Variants in FOCAD observed in about 807,000 individuals in gnomAD.
FOCAD encodes focadhesin, also known as KIAA1797.
In FOCAD, 198 loss-of-function variants were observed where a neutral mutation model predicts 225.6. The observed-to-expected ratio is 0.88, with a 90% confidence interval of 0.78 to 0.99. The LOEUF is 0.99. Among genes scored for constraint, FOCAD ranks in the 50% least tolerant of loss-of-function variants. FOCAD has a pLI of 0.00. For synonymous variants in FOCAD, 897 were observed against 755.0 expected, an observed-to-expected ratio of 1.19 and a Z score of -3.08; for missense variants, 2,713 against 2,123.6, an observed-to-expected ratio of 1.28 and a Z score of -5.46.
At chr9:20,772,129 G>C (rs150230844) in intron 8 of FOCAD, among the ~76,000 whole-genome samples, 3 of 152,286 alleles carry the variant, frequency 2.0e-5, no homozygotes, top group Non-Finnish European at 4.4e-5. Context: ...CTTTATGATT[G>C]ATTAGATGGT....
chr9:20,880,806 C>T lies in FOCAD; in HGVS notation c.2318-1065C>T, dbSNP rs150922719. 6.7e-3 allele frequency among the ~76,000 whole-genome samples: 1,017 copies of T among 152,236 alleles called. 15 individuals carry two copies. Among genetic ancestry groups the T allele is most frequent in the African/African-American group, 0.023 (969 of 41,530 alleles). ...CCCTTGCTTTTTGTTTCTGTAAGAG[C>T]CACATGCAGTGGTTTTCTTTTTTCA... On this transcript the variant is annotated intron_variant, in intron 19 of 43. Transcript: ENST00000338382.
At chr9:20,759,433 A>G (rs578153646) in intron 6 of FOCAD, among the ~76,000 whole-genome samples, 12 of 152,266 alleles carry the variant, frequency 7.9e-5, no homozygotes, top group African/African-American at 1.4e-4. Context: ...CTGATCTTTG[A>G]CAAACCTGAG....
upstream of FOCAD, among the ~76,000 whole-genome samples, chr9:20,657,565 G>C (rs368569443): frequency 1.7e-5 from 1 of 57,208 alleles, no homozygotes; most frequent in Non-Finnish European, 3.3e-5. Flanking sequence ...TCCAGTTGAT[G>C]GCATCGGCTC....
At chr9:20,682,466 A>T (rs1467098258), upstream of FOCAD, among the ~76,000 whole-genome samples, 1 of 152,190 alleles carries the variant, frequency 6.6e-6, no homozygotes, top group Non-Finnish European at 1.5e-5. Context: ...CAGGTTCCTT[A>T]TTTATAAAAT....
At chr9:20,800,659 A>T (rs1197786728) in intron 11 of FOCAD, among the ~76,000 whole-genome samples, 1 of 152,060 alleles carries the variant, frequency 6.6e-6, no homozygotes, top group Non-Finnish European at 1.5e-5. Context: ...AGGCTTGTGC[A>T]TTCGTCAAAT....
At chr9:20,730,513 C>T (rs1423198512) in intron 4 of FOCAD, among the ~76,000 whole-genome samples, 2 of 152,052 alleles carry the variant, frequency 1.3e-5, no homozygotes, top group South Asian at 2.1e-4. Flanking sequence ...GTATTTCAGT[C>T]CTCTTCTCCT....
intron 17 of FOCAD, 114 bp downstream of exon 17, chr9:20,866,090 C>A: frequency 2.3e-6 from 2 of 857,154 alleles, no homozygotes; most frequent in African/African-American, 1.8e-5. Flanking sequence ...TAATGGGTTC[C>A]CAATTTTTAA....
intron 2 of FOCAD, among the ~76,000 whole-genome samples, chr9:20,659,446 G>A (rs1397760400): frequency 6.8e-6 from 1 of 148,106 alleles, no homozygotes; most frequent in Non-Finnish European, 1.5e-5. Context: ...AAGAAAGACA[G>A]ACAGACAGAA....
chr9:20,866,683 T>C (rs957394928), intron 17 of FOCAD, among the ~76,000 whole-genome samples: 8 of 151,460 alleles, frequency 5.3e-5, no homozygotes, highest in African/African-American at 1.9e-4. Flanking sequence ...ACCCTTTCAC[T>C]TTTTTTTGCA....
chr9:20,942,616 C>G (rs1836782486), intron 28 of FOCAD, among the ~76,000 whole-genome samples: 1 of 152,166 alleles, frequency 6.6e-6, no homozygotes, highest in South Asian at 2.1e-4. Context: ...TAGATCTTCT[C>G]TCTACTCTAG....
At chr9:20,862,432 G>T (rs1399866891) in intron 15 of FOCAD, 146 bp from the exon 16 acceptor site, 4 of 763,172 alleles carry the variant, frequency 5.2e-6, no homozygotes, top group Non-Finnish European at 7.8e-6. Context: ...TTCATTTGAG[G>T]GGTGGTACCT....
chr9:20,863,352 C>T (rs1828948901), intron 16 of FOCAD: 1 of 151,584 alleles, frequency 6.6e-6, no homozygotes, highest in Non-Finnish European at 1.5e-5. Context: ...TTGATTTAGT[C>T]CTTCACAGAC....
At chr9:20,934,193 T>C (rs1177690221) in intron 28 of FOCAD, among the ~76,000 whole-genome samples, 1 of 152,206 alleles carries the variant, frequency 6.6e-6, no homozygotes, top group East Asian at 1.9e-4. Context: ...GCTTTTGCCA[T>C]GCAAAAGCTC....
intron 11 of FOCAD, among the ~76,000 whole-genome samples, chr9:20,819,137 A>G (rs778229785): frequency 9.9e-5 from 15 of 152,126 alleles, no homozygotes; most frequent in Non-Finnish European, 1.6e-4. Flanking sequence ...TGAATGTTTC[A>G]TTATGTGAAA....
rs10964678 is a variant in FOCAD, at chr9:20,723,623, T to C, written c.287+3089T>C. On this transcript the variant is annotated intron_variant, in intron 4 of 43. Transcript: ENST00000338382. ...TGGAAGACAAACTGTTAGTAGGTCT[T>C]ATTATATTCTATGTAATATATAATA... is the stretch of plus-strand genomic sequence containing the variant. Among the ~76,000 whole-genome samples the C allele has an allele frequency of 3.3e-5, 5 of 152,368 alleles. No individual in the cohort carries two copies. The East Asian group carries it at 5.8e-4, about 18-fold the overall frequency.
At chr9:20,721,981 T>TCCCTCCCTCCCTCCCTCCCTCCC in intron 4 of FOCAD, among the ~76,000 whole-genome samples, 1 of 28,346 alleles carries the variant, frequency 3.5e-5, no homozygotes, top group African/African-American at 2.3e-4. Context: ...TCTCCCCTCC[T>TCCCTCCCTCCCTCCCTCCCTCCC]TCCCTCCCTC....
At chr9:20,830,551 C>T (rs569507840) in intron 15 of FOCAD, among the ~76,000 whole-genome samples, 2 of 151,936 alleles carry the variant, frequency 1.3e-5, no homozygotes, top group African/African-American at 2.4e-5. Flanking sequence ...TTCTCTAATT[C>T]GTTTACATTT....
At chr9:20,874,982 A>G (rs1830116823) in intron 19 of FOCAD, 175 bp downstream of exon 19, 1 of 752,314 alleles carries the variant, frequency 1.3e-6, no homozygotes, top group African/African-American at 1.8e-5. Context: ...TATGGTGTTT[A>G]AATCATACGA....
intron 22 of FOCAD, 63 bp downstream of exon 22, chr9:20,907,305 A>G: frequency 1.5e-6 from 2 of 1,347,108 alleles, no homozygotes; most frequent in Non-Finnish European, 2.1e-6. Flanking sequence ...GTTTTGCTAC[A>G]AATGTGTATT....
Sources: gnomAD v4.1 joint callset for allele counts (sites outside exome capture counted in the v4.1 genomes callset) on GRCh38, gnomAD v4.1.1 for gene constraint, MANE v1.5 for transcripts, NCBI Gene and HGNC (gene_info 2026-07-23, HGNC 2026-07-21) for gene names.